The following TTC7B variants were observed in gnomAD, a reference collection of about 807,000 sequenced individuals.
TTC7B encodes the protein tetratricopeptide repeat protein 7B.
In TTC7B, 28 loss-of-function variants were observed where a neutral mutation model predicts 106.8. That is an observed-to-expected ratio of 0.26 (90% CI 0.19 to 0.36). TTC7B has a LOEUF of 0.36. Among genes scored for constraint, TTC7B ranks in the 10% least tolerant of loss-of-function variants. TTC7B has a pLI of 1.00. For synonymous variants in TTC7B, 405 were observed against 430.6 expected, an observed-to-expected ratio of 0.94 and a Z score of 0.74; for missense variants, 862 against 1,076.4, an observed-to-expected ratio of 0.80 and a Z score of 2.79.
At chr14:90,563,231 A>T (rs1360396748) in intron 19 of TTC7B, among the ~76,000 whole-genome samples, 1 of 152,186 alleles carries the variant, frequency 6.6e-6, no homozygotes, top group African/African-American at 2.4e-5. Flanking sequence ...TGATGCTTAA[A>T]GGTAAAGCTC....
chr14:90,668,349 G>GC (rs1162956086), intron 9 of TTC7B, among the ~76,000 whole-genome samples: 2 of 152,168 alleles, frequency 1.3e-5, no homozygotes, highest in East Asian at 3.9e-4. Context: ...GGAGCTCAGA[G>GC]TAGCCAAGTA....
chr14:90,596,963 C>T (rs1037617597), intron 17 of TTC7B, among the ~76,000 whole-genome samples: 1 of 152,184 alleles, frequency 6.6e-6, no homozygotes, highest in Non-Finnish European at 1.5e-5. Flanking sequence ...AACATTCACC[C>T]ACTCAAAGGA....
At position 90,606,156 on chromosome 14, in the gene TTC7B, T is replaced by C. The variant is rs376764297; in HGVS notation, c.1966+4586A>G. Among the ~76,000 whole-genome samples the C allele has an allele frequency of 9.3e-4, 142 of 152,340 alleles. 7 individuals carry two copies. The South Asian group carries it at 0.029, about 31-fold the overall frequency. ...ATTTGTTTTTTATGAGAAGCACTTA[T>C]ATACAGTTTACTTGAAAATAAGGTT... On this transcript the variant is annotated intron_variant, in intron 17 of 19. Coordinates refer to ENST00000328459, the MANE Select transcript of TTC7B (RefSeq NM_001010854.2).
In TTC7B at chr14:90,577,064, T is replaced by A. The variant is rs1310998904; in HGVS notation, c.2310+1042A>T. 6.6e-6 allele frequency among the ~76,000 whole-genome samples: 1 copy of A among 152,184 alleles called. No individual in the cohort carries two copies. Among genetic ancestry groups the A allele is most frequent in the Non-Finnish European group, 1.5e-5 (1 of 68,034 alleles). On this transcript the variant is annotated intron_variant, in intron 19 of 19. Transcript: ENST00000328459. The surrounding 1 kb of genome is among the most constrained non-coding windows in gnomAD (Gnocchi z 5.0). ...CCTGTCCAGTGCTCACTCTTCCATATCACACACCACCATCTGGTTATGGGT... is the reference window on the plus strand; with the variant it reads ...CCTGTCCAGTGCTCACTCTTCCATAACACACACCACCATCTGGTTATGGGT...
intron 17 of TTC7B, chr14:90,605,753 C>A: frequency 2.4e-6 from 3 of 1,244,760 alleles, no homozygotes; most frequent in East Asian, 6.0e-5. Context: ...GAGGAGGAAT[C>A]TGACACTAAA....
rs1448169646 is a variant in TTC7B, at chr14:90,527,374, A to G, written c.*13994T>C. 6.6e-6 allele frequency: 1 copy of G among 152,130 alleles called. No homozygotes were observed. Among genetic ancestry groups the G allele is most frequent in the African/African-American group, 2.4e-5 (1 of 41,414 alleles). 9.4% of individuals were successfully genotyped at this position (152,130 alleles called of 1,614,324 possible). A position where few individuals can be genotyped will look rare whatever the true frequency, so the allele number is the denominator to read the frequency against. ...CTTCACTTGACTCTGAGGATCTTCTACGCCAGGCACTTCACATTGATGTTT... is the reference window on the plus strand; with the variant it reads ...CTTCACTTGACTCTGAGGATCTTCTGCGCCAGGCACTTCACATTGATGTTT... On this transcript the variant is annotated 3_prime_UTR_variant, in exon 20 of 20. Coordinates refer to ENST00000328459, the MANE Select transcript of TTC7B (RefSeq NM_001010854.2).
intron 3 of TTC7B, among the ~76,000 whole-genome samples, chr14:90,762,338 C>G (rs1315895307): frequency 6.6e-6 from 1 of 152,232 alleles, no homozygotes; most frequent in Non-Finnish European, 1.5e-5. Flanking sequence ...GCAGAAACCA[C>G]TGACTTGGGC....
In TTC7B at chr14:90,657,125, C is replaced by T. The variant is rs2139899096; in HGVS notation, c.1341+49G>A. 6.6e-7 allele frequency: 1 copy of T among 1,524,680 alleles called. No homozygotes were observed. The highest frequency in any genetic ancestry group is 9.1e-7 in the Non-Finnish European group (1 of 1,104,006). 94.4% of individuals were successfully genotyped at this position (1,524,680 alleles called of 1,614,324 possible). The stretch of plus-strand genomic sequence containing the variant: ...CTCGACATGAAAAAAATGGGCAGTC[C>T]TGGCCCAGAGTCCTCTGCAGGAGCG... On this transcript the variant is annotated intron_variant, in intron 11 of 19. Transcript: ENST00000328459. This position sits in a 1 kb window ranked among gnomAD's most constrained non-coding sequence, Gnocchi z 4.2.
At chr14:90,755,635 G>A (rs1406274133) in intron 3 of TTC7B, among the ~76,000 whole-genome samples, 1 of 150,748 alleles carries the variant, frequency 6.6e-6, no homozygotes, top group African/African-American at 2.5e-5. Flanking sequence ...CTCCAGCCTG[G>A]GCAAAAGGGC....
intron 6 of TTC7B, among the ~76,000 whole-genome samples, chr14:90,692,845 G>C (rs865958866): frequency 6.6e-6 from 1 of 151,874 alleles, no homozygotes; most frequent in African/African-American, 2.4e-5. Flanking sequence ...AACTTCTTAA[G>C]GCACCTATAA....
rs1595140555 is a variant in TTC7B at position 90,540,966 on chromosome 14, T to G, written c.*402A>C. 1.2e-5 allele frequency: 2 copies of G among 166,560 alleles called. No homozygotes were observed. The highest frequency in any genetic ancestry group is 1.7e-4 in the East Asian group (1 of 5,888). The allele number at this position is 166,560 out of a possible 1,614,324, so 10.3% of individuals were successfully genotyped here. A position where few individuals can be genotyped will look rare whatever the true frequency, so the allele number is the denominator to read the frequency against. On this transcript the variant is annotated 3_prime_UTR_variant, in exon 20 of 20. Transcript: ENST00000328459. Reference sequence around the variant, plus strand: ...CTGGGCCAAAGTGGGGCAGGAGGGGTGGTGGGGAGAAAAGGACAGTTGTTT... The same window carrying G: ...CTGGGCCAAAGTGGGGCAGGAGGGGGGGTGGGGAGAAAAGGACAGTTGTTT...
intron 1 of TTC7B, among the ~76,000 whole-genome samples, chr14:90,801,506 G>A (rs1017372991): frequency 1.3e-5 from 2 of 152,128 alleles, no homozygotes; most frequent in East Asian, 1.9e-4. Flanking sequence ...ATAAACCCTC[G>A]ATTTGAGATA....
chr14:90,626,374 T>A (rs1339345457), intron 15 of TTC7B, among the ~76,000 whole-genome samples: 1 of 152,164 alleles, frequency 6.6e-6, no homozygotes, highest in Non-Finnish European at 1.5e-5. Flanking sequence ...ACAGAATGCT[T>A]CCTTCCTTCT....
At chr14:90,566,716 G>A (rs1890815323) in intron 19 of TTC7B, among the ~76,000 whole-genome samples, 1 of 152,164 alleles carries the variant, frequency 6.6e-6, no homozygotes, top group African/African-American at 2.4e-5. Context: ...CCCATGGGGT[G>A]GGGAATTTCC....
intron 3 of TTC7B, among the ~76,000 whole-genome samples, chr14:90,747,480 G>A (rs2140004533): frequency 6.6e-6 from 1 of 152,246 alleles, no homozygotes. Context: ...TAGTCTTCAG[G>A]ACCTCTGACA....
intron 2 of TTC7B, among the ~76,000 whole-genome samples, chr14:90,782,997 G>A (rs1350580282): frequency 6.6e-6 from 1 of 152,090 alleles, no homozygotes; most frequent in Non-Finnish European, 1.5e-5. Context: ...TGGAGAAAAC[G>A]CTTGAAGAAA....
intron 18 of TTC7B, among the ~76,000 whole-genome samples, chr14:90,588,329 C>T (rs544106853): frequency 8.5e-5 from 13 of 152,276 alleles, no homozygotes; most frequent in South Asian, 2.1e-4. Context: ...TAAGAATAGC[C>T]GCTGGTTTCA....
At chr14:90,799,278 C>T (rs1169421434) in intron 1 of TTC7B, among the ~76,000 whole-genome samples, 1 of 152,200 alleles carries the variant, frequency 6.6e-6, no homozygotes, top group Non-Finnish European at 1.5e-5. Flanking sequence ...TTCCCTTGCT[C>T]CCTCGGCCTG....
chr14:90,586,199 G>A (rs779631137), intron 18 of TTC7B, among the ~76,000 whole-genome samples: 33 of 152,168 alleles, frequency 2.2e-4, no homozygotes, highest in East Asian at 7.7e-4. Flanking sequence ...CCGCGATGCC[G>A]TCTGCGCTGC....
Sources: allele counts gnomAD v4.1 joint callset (sites outside exome capture counted in the v4.1 genomes callset), GRCh38; gene constraint gnomAD v4.1.1; non-coding constraint Gnocchi (gnomAD v3.1); transcripts MANE v1.5; gene names NCBI Gene and HGNC (gene_info 2026-07-23, HGNC 2026-07-21).